The following COX15 variants were observed in gnomAD, a reference collection of about 807,000 sequenced individuals.
The protein encoded by COX15 is heme A synthase COX15.
Under a neutral mutation model 51.9 loss-of-function variants are expected in COX15, and 51 were observed. That is an observed-to-expected ratio of 0.98 (90% CI 0.78 to 1.24). COX15 has a LOEUF of 1.24. COX15 is among the 50% of genes most tolerant of loss of function. The probability of loss-of-function intolerance (pLI) is 0.00; values close to 1 mark genes in which losing one functional copy is unlikely to be tolerated. For missense variants in COX15, 420 were observed against 501.1 expected, an observed-to-expected ratio of 0.84 and a Z score of 1.55; for synonymous variants, 188 against 190.5, an observed-to-expected ratio of 0.99 and a Z score of 0.11.
chr10:99,717,234 C>T (rs1395022163), intron 7 of COX15, among the ~76,000 whole-genome samples: 1 of 152,200 alleles, frequency 6.6e-6, no homozygotes, highest in Non-Finnish European at 1.5e-5. Context: ...ATGACATCCT[C>T]CCACCTCTAG....
the COX15 span, chr10:99,704,712 C>T: frequency 1.3e-6 from 2 of 1,588,856 alleles, no homozygotes; most frequent in Middle Eastern, 1.7e-4. Context: ...GAAGCTTGAG[C>T]ACCCCCGAGT....
downstream of COX15, among the ~76,000 whole-genome samples, chr10:99,706,882 G>A (rs188518625): frequency 7.2e-5 from 11 of 152,168 alleles, no homozygotes; most frequent in African/African-American, 2.7e-4. Flanking sequence ...GATCTAGTCA[G>A]AAGCTACTTC....
intron 7 of COX15, among the ~76,000 whole-genome samples, chr10:99,716,841 T>C (rs2036596246): frequency 2.0e-5 from 3 of 151,850 alleles, no homozygotes; most frequent in Admixed American, 2.0e-4. Flanking sequence ...CACATGAGGG[T>C]TATTATTTTC....
downstream of COX15, chr10:99,709,685 G>A (rs886046597): frequency 1.0e-6 from 1 of 985,268 alleles, no homozygotes; most frequent in African/African-American, 1.7e-5. Context: ...CATCTACCCT[G>A]TTTTCTGTTT....
At position 99,712,351 on chromosome 10, in the gene COX15, A is replaced by G; in HGVS notation, c.*2236T>C. On this transcript the variant is annotated 3_prime_UTR_variant, in exon 9 of 9. Coordinates refer to ENST00000016171, the MANE Select transcript of COX15 (RefSeq NM_078470.6). ...TGGCTCTCAGACACGTTAAGCCTGC[A>G]TAACATTTTTTAAAATCTTGAAATT... The G allele has an allele frequency of 1.0e-6, 1 of 985,450 alleles. No individual in the cohort carries two copies. Among genetic ancestry groups the G allele is most frequent in the Non-Finnish European group, 1.2e-6 (1 of 829,934 alleles). 61.0% of individuals were successfully genotyped at this position (985,450 alleles called of 1,614,324 possible).
the COX15 span, chr10:99,702,814 A>G: frequency 1.5e-6 from 1 of 688,172 alleles, no homozygotes; most frequent in East Asian, 3.3e-5. Context: ...CACAAAAACA[A>G]ACTCCTTTAC....
chr10:99,723,598 G>C (rs2036849889), intron 5 of COX15, among the ~76,000 whole-genome samples: 2 of 152,194 alleles, frequency 1.3e-5, no homozygotes, highest in Admixed American at 1.3e-4. Flanking sequence ...TTAATCAGCA[G>C]ACAGAAAAAT....
In COX15 at chr10:99,712,113, T is replaced by A. The variant is rs910508833; in HGVS notation, c.*2474A>T. The A allele has an allele frequency of 4.0e-6, 2 of 497,662 alleles. No individual in the cohort carries two copies. The highest frequency in any genetic ancestry group is 1.3e-4 in the Admixed American group (2 of 15,646). 30.8% of individuals were successfully genotyped at this position (497,662 alleles called of 1,614,324 possible). A position where few individuals can be genotyped will look rare whatever the true frequency, so the allele number is the denominator to read the frequency against. ...ATGGCACAAAGTCATACATAAGGGA[T>A]CCGCCCCCATGACCCAAATACCTCC... is the stretch of plus-strand genomic sequence containing the variant. On this transcript the variant is annotated 3_prime_UTR_variant, in exon 9 of 9. Transcript: ENST00000016171.
At chr10:99,727,858 C>G (rs570106654) in intron 2 of COX15, among the ~76,000 whole-genome samples, 28 of 152,126 alleles carry the variant, frequency 1.8e-4, no homozygotes, top group Admixed American at 1.1e-3. Context: ...TAAAATCAAC[C>G]CCTACAGCCA....
chr10:99,704,762 A>C, the COX15 span: 3 of 1,286,498 alleles, frequency 2.3e-6, no homozygotes, highest in Non-Finnish European at 3.3e-6. Flanking sequence ...ATATAGCCTC[A>C]GATGCTGTGA....
At position 99,710,938 on chromosome 10, in the gene COX15, GA is replaced by G; in HGVS notation, c.*3648del. 10 of 985,330 alleles carry G rather than the reference GA, an allele frequency of 1.0e-5. No homozygotes were observed. The highest frequency in any genetic ancestry group is 1.2e-5 in the Non-Finnish European group (10 of 829,854). The allele number at this position is 985,330 out of a possible 1,614,324, so 61.0% of individuals were successfully genotyped here. On this transcript the variant is annotated 3_prime_UTR_variant, in exon 9 of 9. Transcript: ENST00000016171. ...TGGACGTAAGTGCAGAGAGACCTTT[GA>G]AAATATTAAGGGAAATCTATTTAAT...
chr10:99,703,562 G>T, the COX15 span, among the ~76,000 whole-genome samples: 1 of 152,178 alleles, frequency 6.6e-6, no homozygotes, highest in Non-Finnish European at 1.5e-5. Context: ...AACTAGATCT[G>T]GATCTGGACT....
intron 6 of COX15, 100 bp from the exon 7 acceptor site, chr10:99,718,600 A>T: frequency 1.6e-6 from 2 of 1,224,418 alleles, no homozygotes; most frequent in Non-Finnish European, 2.4e-6. Flanking sequence ...AGTTAAACTA[A>T]GGGAACAGTC....
the COX15 span, chr10:99,704,412 AAC>A: frequency 1.3e-5 from 21 of 1,595,510 alleles, no homozygotes; most frequent in Non-Finnish European, 1.8e-5. Context: ...TTTGAAACTT[AAC>A]AGTTTTTTCC....
At chr10:99,709,844 G>A (rs1564640953), downstream of COX15, 1 of 985,060 alleles carries the variant, frequency 1.0e-6, no homozygotes, top group South Asian at 4.7e-5. Flanking sequence ...GTTATCAGAG[G>A]GACGAGGAAG....
the COX15 span, chr10:99,698,762 C>T: frequency 5.0e-6 from 8 of 1,614,122 alleles, no homozygotes; most frequent in Admixed American, 3.3e-5. Context: ...TCAACAACAG[C>T]GAGTTCTACG....
rs1564651332 is a variant in COX15, at chr10:99,729,691, G to T, written c.134C>A (p.Thr45Asn). 1.2e-6 allele frequency: 2 copies of T among 1,614,168 alleles called. No homozygotes were observed. Among genetic ancestry groups the T allele is most frequent in the South Asian group, 1.1e-5 (1 of 91,082 alleles). The change falls in exon 2 of 9, where the codon ACC becomes AAC. Residue 45 changes from threonine to asparagine, a missense_variant. Physicochemically the swap from Thr to Asn is moderately conservative, Grantham distance 65. Coordinates refer to ENST00000016171, the MANE Select transcript of COX15 (RefSeq NM_078470.6). The part of the protein sequence containing the change: ...RRPLRPGQYS[T>N]ISEVALQSGR... ...AGATTGCAAAGCTACTTCAGAGATGGTGCTGTATTGCCCTGGCCTCAAAGG... is the reference window on the plus strand; with the variant it reads ...AGATTGCAAAGCTACTTCAGAGATGTTGCTGTATTGCCCTGGCCTCAAAGG...
At chr10:99,701,090 G>C in the COX15 span, 1 of 1,549,722 alleles carries the variant, frequency 6.5e-7, no homozygotes, top group Middle Eastern at 1.7e-4. Flanking sequence ...CTTAGATGTG[G>C]ACTTAAAATC....
chr10:99,698,845 C>A, the COX15 span: 1 of 1,601,306 alleles, frequency 6.2e-7, no homozygotes, highest in Non-Finnish European at 8.5e-7. Flanking sequence ...CCAACATTTG[C>A]CAAGGCTGCT....
Sources: gnomAD v4.1 joint callset for allele counts (sites outside exome capture counted in the v4.1 genomes callset) on GRCh38, gnomAD v4.1.1 for gene constraint, MANE v1.5 for transcripts, NCBI Gene and HGNC (gene_info 2026-07-23, HGNC 2026-07-21) for gene names.